Variants in DEPDC5 observed in about 807,000 individuals in gnomAD.
DEPDC5 encodes GATOR1 complex protein DEPDC5.
In DEPDC5, 73 loss-of-function variants were observed where a neutral mutation model predicts 217.3. The ratio of observed to expected loss-of-function variants is 0.34; its 90% CI spans 0.28 to 0.41. The LOEUF is 0.41. DEPDC5 is among the 10% of genes least tolerant of loss of function. The pLI is 1.00. For missense variants in DEPDC5, 1,675 were observed against 2,070.1 expected (o/e 0.81, Z 3.70); for synonymous variants, 733 against 756.7 (o/e 0.97, Z 0.51).
chr22:31,793,471 CT>C (rs1043245690), intron 12 of DEPDC5, among the ~76,000 whole-genome samples: 9 of 151,908 alleles, frequency 5.9e-5, no homozygotes, highest in African/African-American at 1.7e-4. Flanking sequence ...GTGCCATTGA[CT>C]AAGTAAATTA....
At chr22:31,835,033 C>T (rs2090892045) in intron 25 of DEPDC5, among the ~76,000 whole-genome samples, 1 of 152,146 alleles carries the variant, frequency 6.6e-6, no homozygotes. Context: ...TGGCTCATGC[C>T]AGTAATCACA....
intron 40 of DEPDC5, among the ~76,000 whole-genome samples, chr22:31,898,837 T>G (rs2093600281): frequency 6.6e-6 from 1 of 152,216 alleles, no homozygotes; most frequent in African/African-American, 2.4e-5. Flanking sequence ...CTATAGACTG[T>G]GGGACACACA....
Position 31,862,574 on chromosome 22 carries a change from A to G in DEPDC5, c.3330+1141A>G, listed in dbSNP as rs1411119677. On this transcript the variant is annotated intron_variant, in intron 33 of 42. Transcript: ENST00000651528. ...GCCAGAGTCCATCTCAAAAAAAATA[A>G]TAATAACAAAATAGAATTTTTTAAA... 1.3e-5 allele frequency among the ~76,000 whole-genome samples: 2 copies of G among 152,240 alleles called. 1 individual carries two copies. Among genetic ancestry groups the G allele is most frequent in the Non-Finnish European group, 2.9e-5 (2 of 68,052 alleles).
chr22:31,853,706 G>A (rs1247390124), intron 31 of DEPDC5, among the ~76,000 whole-genome samples: 1 of 152,146 alleles, frequency 6.6e-6, no homozygotes. Context: ...CAGAAACCCT[G>A]GAATCTTAGC....
intron 34 of DEPDC5, among the ~76,000 whole-genome samples, chr22:31,872,467 C>T (rs1203998211): frequency 1.3e-5 from 2 of 152,206 alleles, no homozygotes; most frequent in African/African-American, 2.4e-5. Flanking sequence ...CCATTTTTCA[C>T]ATGGGGGCGC....
rs965280591 is a variant in DEPDC5 at position 31,754,634 on chromosome 22, TCTC to T, written c.-60-225_-60-223del. ...CCTATGGGGGTGTGATAGAATATCT[TCTC>T]CTAGGTTTGACTAGCCCCTGGCCCG... On this transcript the variant is annotated intron_variant, in intron 1 of 42. Coordinates refer to ENST00000651528, the MANE Select transcript of DEPDC5 (RefSeq NM_001242896.3). Among the ~76,000 whole-genome samples, 3 of 152,236 alleles carry T rather than the reference TCTC, an allele frequency of 2.0e-5. No homozygotes were observed. In the East Asian group the frequency reaches 5.8e-4, roughly 29 times the overall value.
chr22:31,769,063 A>G (rs1349910180), intron 7 of DEPDC5, 200 bp downstream of exon 7: 3 of 485,114 alleles, frequency 6.2e-6, no homozygotes, highest in Non-Finnish European at 1.1e-5. Context: ...GATCAGGACC[A>G]TACTGGCTAA....
chr22:31,797,755 G>A (rs2086414473), intron 13 of DEPDC5, 52 bp downstream of exon 13: 5 of 1,373,380 alleles, frequency 3.6e-6, no homozygotes, highest in Non-Finnish European at 5.2e-6. Flanking sequence ...GTGTAGGAGG[G>A]GTCTGGGAGA....
chr22:31,862,544 A>G (rs1361184919), intron 33 of DEPDC5, among the ~76,000 whole-genome samples: 1 of 152,222 alleles, frequency 6.6e-6, no homozygotes, highest in Non-Finnish European at 1.5e-5. Flanking sequence ...CAGCCTGGCG[A>G]CAGAGCCAGA....
chr22:31,838,345 A>G (rs540992383), intron 26 of DEPDC5, among the ~76,000 whole-genome samples: 1 of 152,056 alleles, frequency 6.6e-6, no homozygotes, highest in African/African-American at 2.4e-5. Flanking sequence ...AAGTGCAGTG[A>G]TGCAATCTTG....
chr22:31,764,971 T>C lies in DEPDC5; in HGVS notation c.194-4T>C. 6.2e-7 allele frequency: 1 copy of C among 1,611,242 alleles called. No homozygotes were observed. The highest frequency in any genetic ancestry group is 8.5e-7 in the Non-Finnish European group (1 of 1,177,424). On this transcript the variant is annotated splice_region_variant and splice_polypyrimidine_tract_variant and intron_variant, in intron 4 of 42. Transcript: ENST00000651528. ...ATCTGAGCCAGATATTGTTTCTGTT[T>C]TAGAAACTATCAGTGTGGACCAGAC...
At chr22:31,855,967 G>A (rs969388499) in intron 31 of DEPDC5, among the ~76,000 whole-genome samples, 2 of 151,972 alleles carry the variant, frequency 1.3e-5, no homozygotes, top group Admixed American at 6.6e-5. Context: ...TCAGGGAAGC[G>A]GACTGAGATG....
intron 8 of DEPDC5, among the ~76,000 whole-genome samples, chr22:31,779,120 CAA>C (rs1176943317): frequency 6.6e-6 from 1 of 152,222 alleles, no homozygotes; most frequent in Non-Finnish European, 1.5e-5. Context: ...TACAAATCTA[CAA>C]GTTATGACAG....
At chr22:31,899,015 A>C (rs560826647) in intron 40 of DEPDC5, among the ~76,000 whole-genome samples, 1 of 152,376 alleles carries the variant, frequency 6.6e-6, no homozygotes, top group East Asian at 1.9e-4. Flanking sequence ...TGTTGAAGGA[A>C]CAGAGAGATC....
chr22:31,862,906 C>CT (rs1161048028), intron 33 of DEPDC5, among the ~76,000 whole-genome samples: 2 of 152,284 alleles, frequency 1.3e-5, no homozygotes, highest in East Asian at 3.9e-4. Context: ...TCCTTTTCAC[C>CT]TTTTACTTTC....
intron 11 of DEPDC5, 80 bp from the exon 12 acceptor site, chr22:31,792,665 C>G: frequency 3.7e-6 from 2 of 547,204 alleles, no homozygotes; most frequent in Non-Finnish European, 3.0e-6. Flanking sequence ...TGATGCAAAT[C>G]TTTAACCCAG....
chr22:31,861,178 C>G (rs1395376795), intron 32 of DEPDC5, among the ~76,000 whole-genome samples, 190 bp from the exon 33 acceptor site: 2 of 141,892 alleles, frequency 1.4e-5, no homozygotes, highest in Non-Finnish European at 3.1e-5. Context: ...CTCTCTCTCT[C>G]TTTTTTTTTT....
intron 40 of DEPDC5, among the ~76,000 whole-genome samples, chr22:31,901,396 T>TAG (rs2093646329): frequency 6.6e-6 from 1 of 152,218 alleles, no homozygotes; most frequent in African/African-American, 2.4e-5. Context: ...ACAGTTTATC[T>TAG]TCTGTTTGTA....
intron 33 of DEPDC5, among the ~76,000 whole-genome samples, chr22:31,863,483 T>C (rs1276118183): frequency 6.6e-6 from 1 of 152,116 alleles, no homozygotes; most frequent in African/African-American, 2.4e-5. Context: ...TACATTCTTA[T>C]AGGAGACTGT....
Sources: allele counts gnomAD v4.1 joint callset (sites outside exome capture counted in the v4.1 genomes callset), GRCh38; gene constraint gnomAD v4.1.1; transcripts MANE v1.5; gene names NCBI Gene and HGNC (gene_info 2026-07-23, HGNC 2026-07-21).